Variants in CPEB3 observed in about 807,000 individuals in gnomAD.
The protein encoded by CPEB3 is cytoplasmic polyadenylation element binding protein 3.
A neutral mutation model predicts 67.2 loss-of-function variants in CPEB3; 20 were observed. The observed-to-expected ratio is 0.30, with a 90% CI of 0.21 to 0.43. The LOEUF (loss-of-function observed/expected upper bound fraction) is 0.43, where lower values mean the gene tolerates loss of function less well. Among genes scored for constraint, CPEB3 ranks in the 20% least tolerant of loss-of-function variants. The probability of loss-of-function intolerance (pLI) is 1.00; values close to 1 mark genes in which losing one functional copy is unlikely to be tolerated. For missense variants in CPEB3, 746 were observed against 968.6 expected (o/e 0.77, Z 3.05); for synonymous variants, 376 against 393.1 (o/e 0.96, Z 0.51).
Position 92,192,559 on chromosome 10 carries a change from A to G in CPEB3, c.1083T>C (p.His361=), listed in dbSNP as rs1274971127. 1 of 1,613,834 alleles carries G rather than the reference A, an allele frequency of 6.2e-7. No homozygotes were observed. The highest frequency in any genetic ancestry group is 1.3e-5 in the African/African-American group (1 of 74,916). Residue 361 remains histidine, a synonymous_variant, in exon 3 of 10, where the codon CAT becomes CAC. Transcript: ENST00000265997. ...GGTAGTGTTTACCTTTCAGAGGTTC[A>G]TGATCAGTCCTTATCATATCCATTA... is the stretch of plus-strand genomic sequence containing the variant. ...NSLMDMIRTD[H]EPLKGKHYPP... is the part of the protein sequence containing the mutation.
intron 3 of CPEB3, among the ~76,000 whole-genome samples, chr10:92,191,270 C>T (rs992118444): frequency 3.3e-5 from 5 of 151,620 alleles, no homozygotes; most frequent in Admixed American, 6.6e-5. Flanking sequence ...GGCGAGGTGG[C>T]GGGCACCTGT....
chr10:92,286,376 G>C (rs1039493252), intron 1 of CPEB3, among the ~76,000 whole-genome samples: 3 of 152,016 alleles, frequency 2.0e-5, no homozygotes, highest in African/African-American at 7.2e-5. Context: ...CTTGAGGTCA[G>C]GAGTTCAAGA....
intron 4 of CPEB3, among the ~76,000 whole-genome samples, chr10:92,146,309 A>G (rs922192964): frequency 3.9e-5 from 6 of 152,134 alleles, no homozygotes; most frequent in Admixed American, 3.3e-4. Flanking sequence ...AAAATCAAAT[A>G]TATTTCCTGT....
chr10:92,220,099 G>A (rs138197431), intron 2 of CPEB3, among the ~76,000 whole-genome samples: 1,979 of 152,122 alleles, frequency 0.013, 48 homozygotes, highest in African/African-American at 0.046. Flanking sequence ...AGGTTGCGGT[G>A]AGCGGAGATT....
At chr10:92,207,517 C>T (rs1459559801) in intron 2 of CPEB3, among the ~76,000 whole-genome samples, 3 of 152,126 alleles carry the variant, frequency 2.0e-5, no homozygotes, top group East Asian at 1.9e-4. Context: ...GGATAATAAT[C>T]GTATTTACTT....
intron 1 of CPEB3, among the ~76,000 whole-genome samples, chr10:92,251,561 C>T (rs779489858): frequency 6.6e-6 from 1 of 152,060 alleles, no homozygotes; most frequent in Non-Finnish European, 1.5e-5. Context: ...AAAGACGAAG[C>T]AGTAATGAAA....
At chr10:92,286,658 A>G (rs561530171) in intron 1 of CPEB3, among the ~76,000 whole-genome samples, 7 of 151,924 alleles carry the variant, frequency 4.6e-5, no homozygotes, top group East Asian at 3.9e-4. Flanking sequence ...TTCTGGAAAC[A>G]CCTGCTGAAG....
intron 1 of CPEB3, among the ~76,000 whole-genome samples, chr10:92,263,593 G>A (rs995997265): frequency 6.6e-6 from 1 of 152,142 alleles, no homozygotes; most frequent in East Asian, 1.9e-4. Context: ...TTGCTATGCA[G>A]GTATTTCTTG....
intron 1 of CPEB3, among the ~76,000 whole-genome samples, chr10:92,261,351 G>A (rs1852789817): frequency 6.6e-6 from 1 of 152,162 alleles, no homozygotes; most frequent in South Asian, 2.1e-4. Context: ...GGCTAGTGAA[G>A]ACTGAAATTT....
chr10:92,134,117 T>C (rs1287234703), intron 6 of CPEB3, among the ~76,000 whole-genome samples: 5 of 152,182 alleles, frequency 3.3e-5, no homozygotes, highest in Non-Finnish European at 5.9e-5. Flanking sequence ...AAGACAAGAA[T>C]GCCCTCTCTC....
chr10:92,130,255 T>C (rs1351283409), intron 6 of CPEB3, among the ~76,000 whole-genome samples: 1 of 151,906 alleles, frequency 6.6e-6, no homozygotes, highest in African/African-American at 2.4e-5. Flanking sequence ...TGATGCCCCC[T>C]TTTTAGAGTC....
chr10:92,060,138 C>G (rs1417029541), intron 9 of CPEB3, among the ~76,000 whole-genome samples: 4 of 151,934 alleles, frequency 2.6e-5, no homozygotes, highest in Admixed American at 2.6e-4. Flanking sequence ...GGGTGAATCA[C>G]TTGAGGTCAG....
chr10:92,229,828 T>C (rs1486595000), intron 2 of CPEB3, among the ~76,000 whole-genome samples: 1 of 152,192 alleles, frequency 6.6e-6, no homozygotes, highest in Non-Finnish European at 1.5e-5. Flanking sequence ...GGAGATCACC[T>C]GAGGTCGAGA....
chr10:92,289,933 G>A lies in CPEB3; in HGVS notation c.-12+993C>T, dbSNP rs535619991. ...GTGTGTGTGTATGTGTGTGGTGGGGGGGGGTGGGTGCTGTTTCTCAAAAAC... is the reference window on the plus strand; with the variant it reads ...GTGTGTGTGTATGTGTGTGGTGGGGAGGGGTGGGTGCTGTTTCTCAAAAAC... On this transcript the variant is annotated intron_variant, in intron 1 of 9. Coordinates refer to ENST00000265997, the MANE Select transcript of CPEB3 (RefSeq NM_014912.5). Among the ~76,000 whole-genome samples the A allele has an allele frequency of 3.2e-5, 4 of 125,368 alleles. No homozygotes were observed. In the South Asian group the frequency reaches 7.0e-4, roughly 22 times the overall value. The allele number at this position is 125,368 out of a possible 152,430, so 82.2% of individuals were successfully genotyped here. A position where few individuals can be genotyped will look rare whatever the true frequency, so the allele number is the denominator to read the frequency against.
At position 92,119,981 on chromosome 10, in the gene CPEB3, G is replaced by A. The variant is rs529946233; in HGVS notation, c.1454-8787C>T. Among the ~76,000 whole-genome samples, 558 of 151,080 alleles carry A rather than the reference G, an allele frequency of 3.7e-3. 4 individuals carry two copies. The highest frequency in any genetic ancestry group is 0.014 in the Middle Eastern group (4 of 288). ...AAAAAAAAAACAAATTGCGCCAGGC[G>A]CGGTGGCTCACGCCTGTAATCCCAG... On this transcript the variant is annotated intron_variant, in intron 6 of 9. Transcript: ENST00000265997.
intron 9 of CPEB3, among the ~76,000 whole-genome samples, chr10:92,077,426 C>A (rs190430869): frequency 3.8e-4 from 58 of 152,218 alleles, no homozygotes; most frequent in South Asian, 1.5e-3. Context: ...AAGAGCCCAA[C>A]TCAAGATGGA....
intron 4 of CPEB3, among the ~76,000 whole-genome samples, chr10:92,169,331 G>C (rs1185837434): frequency 6.6e-6 from 1 of 151,972 alleles, no homozygotes; most frequent in Non-Finnish European, 1.5e-5. Flanking sequence ...TAAAGACAGG[G>C]TTTCGTCATG....
intron 5 of CPEB3, among the ~76,000 whole-genome samples, chr10:92,144,431 C>T (rs935941128): frequency 2.0e-5 from 3 of 152,136 alleles, no homozygotes; most frequent in East Asian, 3.9e-4. Flanking sequence ...CCACCATACC[C>T]GGCTAATCTT....
intron 4 of CPEB3, among the ~76,000 whole-genome samples, chr10:92,147,455 CA>C (rs367828776): frequency 4.8e-5 from 7 of 145,196 alleles, no homozygotes; most frequent in East Asian, 4.0e-4. Context: ...GGCCCTGTCT[CA>C]AAAAAAAAAC....
Sources: gnomAD v4.1 joint callset for allele counts (sites outside exome capture counted in the v4.1 genomes callset) on GRCh38, gnomAD v4.1.1 for gene constraint, MANE v1.5 for transcripts, NCBI Gene and HGNC (gene_info 2026-07-23, HGNC 2026-07-21) for gene names.